Variants in PRICKLE2 observed in about 807,000 individuals in gnomAD.
The protein encoded by PRICKLE2 is prickle-like protein 2.
Under a neutral mutation model 81.4 loss-of-function variants are expected in PRICKLE2, and 21 were observed. That is an observed-to-expected ratio of 0.26 (90% CI 0.18 to 0.37). PRICKLE2 has a LOEUF of 0.37. Among genes scored for constraint, PRICKLE2 ranks in the 10% least tolerant of loss-of-function variants. The pLI, the probability that PRICKLE2 is intolerant of heterozygous loss-of-function variation, is 1.00. For synonymous variants in PRICKLE2, 456 were observed against 421.5 expected (o/e 1.08, Z -1.00); for missense variants, 940 against 1,109.0 (o/e 0.85, Z 2.16).
At chr3:64,193,781 G>T (rs1233386536) in intron 2 of PRICKLE2, among the ~76,000 whole-genome samples, 1 of 152,158 alleles carries the variant, frequency 6.6e-6, no homozygotes, top group African/African-American at 2.4e-5. Flanking sequence ...TTACTATAAG[G>T]AGGAGTTTTC....
chr3:64,235,663 A>C (rs1346560157), intron 2 of PRICKLE2, among the ~76,000 whole-genome samples: 2 of 152,106 alleles, frequency 1.3e-5, no homozygotes, highest in Non-Finnish European at 2.9e-5. Context: ...CAGTTTTCCT[A>C]TTGATATCAC....
At chr3:64,113,869 C>A (rs952878453) in intron 7 of PRICKLE2, among the ~76,000 whole-genome samples, 3 of 152,172 alleles carry the variant, frequency 2.0e-5, no homozygotes, top group Non-Finnish European at 2.9e-5. Context: ...TCCAGTACAA[C>A]CACACACATA....
In PRICKLE2 at chr3:64,093,991, C is replaced by T. The variant is rs2076535441; in HGVS notation, c.*5060G>A. On this transcript the variant is annotated 3_prime_UTR_variant, in exon 8 of 8. Coordinates refer to ENST00000638394, the MANE Select transcript of PRICKLE2 (RefSeq NM_198859.4). ...TCAGAACAGTCTCTGGCAGAGCCCA[C>T]ACCAAAGGCCTGTTGCAGACCTTCT... The T allele has an allele frequency of 6.6e-6, 1 of 152,624 alleles. No homozygotes were observed. Among genetic ancestry groups the T allele is most frequent in the South Asian group, 2.1e-4 (1 of 4,826 alleles). 9.5% of individuals were successfully genotyped at this position (152,624 alleles called of 1,614,324 possible).
At chr3:64,161,177 C>T (rs1206967137) in intron 3 of PRICKLE2, among the ~76,000 whole-genome samples, 1 of 152,204 alleles carries the variant, frequency 6.6e-6, no homozygotes, top group African/African-American at 2.4e-5. Flanking sequence ...GATTATTCAA[C>T]TACTCTATCA....
At chr3:64,224,727 G>A (rs1043132993) in intron 1 of PRICKLE2, among the ~76,000 whole-genome samples, 183 bp downstream of exon 1, 12 of 151,966 alleles carry the variant, frequency 7.9e-5, no homozygotes, top group Admixed American at 7.9e-4. Context: ...CTTTGTAATC[G>A]AGCTTTCTAA....
Position 64,095,028 on chromosome 3 carries a change from C to T in PRICKLE2, c.*4023G>A, listed in dbSNP as rs1487055679. 1 of 152,596 alleles carries T rather than the reference C, an allele frequency of 6.6e-6. No homozygotes were observed. The highest frequency in any genetic ancestry group is 1.5e-5 in the Non-Finnish European group (1 of 68,036). 9.5% of individuals were successfully genotyped at this position (152,596 alleles called of 1,614,324 possible). ...CTTCTTAGGCTTAAGCATCTGTTTT[C>T]TGCTAGAAATACACAAAGAACACTT... On this transcript the variant is annotated 3_prime_UTR_variant, in exon 8 of 8. Coordinates refer to ENST00000638394, the MANE Select transcript of PRICKLE2 (RefSeq NM_198859.4).
intron 2 of PRICKLE2, among the ~76,000 whole-genome samples, chr3:64,257,740 T>C (rs1263838293): frequency 6.6e-6 from 1 of 152,144 alleles, no homozygotes; most frequent in Non-Finnish European, 1.5e-5. Flanking sequence ...AGGATGAGAA[T>C]CATCCCTACT....
At chr3:64,225,620 G>A (rs375330640), upstream of PRICKLE2, 65 of 206,944 alleles carry the variant, frequency 3.1e-4, no homozygotes, top group African/African-American at 1.4e-3. Flanking sequence ...GAGAGGGGAA[G>A]GAAGCCTTTG....
At chr3:64,205,896 G>A (rs1420293041) in intron 1 of PRICKLE2, among the ~76,000 whole-genome samples, 6 of 152,240 alleles carry the variant, frequency 3.9e-5, no homozygotes, top group African/African-American at 1.4e-4. Flanking sequence ...CACATTCATG[G>A]CCTTGAAATT....
intron 2 of PRICKLE2, among the ~76,000 whole-genome samples, chr3:64,251,950 C>T (rs567110052): frequency 7.9e-5 from 12 of 152,290 alleles, no homozygotes; most frequent in African/African-American, 2.6e-4. Flanking sequence ...TGCCCTGATG[C>T]ACCACCTAAG....
chr3:64,250,818 G>T (rs1415411972), intron 2 of PRICKLE2, among the ~76,000 whole-genome samples: 1 of 152,102 alleles, frequency 6.6e-6, no homozygotes, highest in African/African-American at 2.4e-5. Flanking sequence ...ATAGACACTG[G>T]CATTTCCTGC....
At chr3:64,156,929 A>G (rs890592799) in intron 5 of PRICKLE2, among the ~76,000 whole-genome samples, 1 of 152,208 alleles carries the variant, frequency 6.6e-6, no homozygotes, top group Non-Finnish European at 1.5e-5. Flanking sequence ...TCATGGATAC[A>G]GAAACTGCCT....
intron 2 of PRICKLE2, among the ~76,000 whole-genome samples, chr3:64,244,603 G>GGTGTGT (rs71680837): frequency 0.069 from 6,355 of 91,596 alleles, 222 homozygotes; most frequent in African/African-American, 0.11. Flanking sequence ...GTGAATGACT[G>GGTGTGT]GTGTGTGTGT....
intron 7 of PRICKLE2, among the ~76,000 whole-genome samples, chr3:64,121,416 A>G (rs2077025524): frequency 6.6e-6 from 1 of 152,128 alleles, no homozygotes; most frequent in African/African-American, 2.4e-5. Flanking sequence ...ACTCATAAAC[A>G]TGTTTTGAGA....
At position 64,147,870 on chromosome 3, in the gene PRICKLE2, C is replaced by T. The variant is rs1293029452; in HGVS notation, c.788-168G>A. 3.3e-5 allele frequency among the ~76,000 whole-genome samples: 5 copies of T among 152,174 alleles called. No individual in the cohort carries two copies. The highest frequency in any genetic ancestry group is 7.2e-5 in the African/African-American group (3 of 41,430). On this transcript the variant is annotated intron_variant, in intron 6 of 7. Transcript: ENST00000638394. This position sits in a 1 kb window ranked among gnomAD's most constrained non-coding sequence, Gnocchi z 5.0. ...TGTAAATGGTATTCACGTCCTATTACGAGAAGTCCTTGTTGTACCAGTATG... is the reference window on the plus strand; with the variant it reads ...TGTAAATGGTATTCACGTCCTATTATGAGAAGTCCTTGTTGTACCAGTATG...
intron 2 of PRICKLE2, among the ~76,000 whole-genome samples, chr3:64,188,684 T>C (rs1304359714): frequency 6.6e-6 from 1 of 152,236 alleles, no homozygotes; most frequent in Non-Finnish European, 1.5e-5. Flanking sequence ...ATAGATTCTC[T>C]AAATCAGGGG....
chr3:64,256,166 T>A (rs758860825), intron 2 of PRICKLE2, among the ~76,000 whole-genome samples: 3 of 152,140 alleles, frequency 2.0e-5, no homozygotes, highest in Admixed American at 2.0e-4. Context: ...TCAGCCAGAA[T>A]GTAAATAAAA....
At chr3:64,219,977 A>G (rs538797618) in intron 1 of PRICKLE2, among the ~76,000 whole-genome samples, 1 of 152,344 alleles carries the variant, frequency 6.6e-6, no homozygotes, top group East Asian at 1.9e-4. Flanking sequence ...CATCTTTCGT[A>G]GCAAACACTC....
chr3:64,165,401 A>G (rs1258847071), intron 2 of PRICKLE2, among the ~76,000 whole-genome samples: 2 of 152,144 alleles, frequency 1.3e-5, no homozygotes, highest in Non-Finnish European at 1.5e-5. Flanking sequence ...TACTCATCAT[A>G]AGACTGTGAT....
Sources: gnomAD v4.1 joint callset for allele counts (sites outside exome capture counted in the v4.1 genomes callset) on GRCh38, gnomAD v4.1.1 for gene constraint, Gnocchi (gnomAD v3.1) non-coding constraint, MANE v1.5 for transcripts, NCBI Gene and HGNC (gene_info 2026-07-23, HGNC 2026-07-21) for gene names.